The following PKHD1 variants were observed in gnomAD, a reference collection of about 807,000 sequenced individuals.
The protein encoded by PKHD1 is fibrocystin.
Under a neutral mutation model 412.0 loss-of-function variants are expected in PKHD1, and 291 were observed. The observed-to-expected ratio is 0.71, with a 90% CI of 0.64 to 0.78. The LOEUF (loss-of-function observed/expected upper bound fraction) is 0.78, where lower values mean the gene tolerates loss of function less well. PKHD1 is among the 30% of genes least tolerant of loss of function. The pLI is 0.00. For missense variants in PKHD1, 4,825 were observed against 4,950.7 expected, an observed-to-expected ratio of 0.97 and a Z score of 0.76; for synonymous variants, 1,777 against 1,821.5, an observed-to-expected ratio of 0.98 and a Z score of 0.62.
intron 43 of PKHD1, among the ~76,000 whole-genome samples, chr6:51,888,836 TATC>T (rs1358099742): frequency 2.7e-5 from 4 of 149,952 alleles, no homozygotes; most frequent in African/African-American, 9.8e-5. Context: ...GCCTTCTCTT[TATC>T]ATCAGGGAGA....
chr6:51,855,845 AGAACAAAT>A, intron 49 of PKHD1, 40 bp downstream of exon 49: 1 of 1,383,218 alleles, frequency 7.2e-7, no homozygotes, highest in Non-Finnish European at 1.0e-6. Flanking sequence ...AAGAAAGATA[AGAACAAAT>A]GAGAATGCAG....
At chr6:52,038,339 C>T (rs1260899979) in intron 27 of PKHD1, among the ~76,000 whole-genome samples, 1 of 150,304 alleles carries the variant, frequency 6.7e-6, no homozygotes, top group Non-Finnish European at 1.5e-5. Context: ...CGCACCACTG[C>T]ACTCCAGCCT....
chr6:51,639,273 A>G (rs1454515811), intron 63 of PKHD1, among the ~76,000 whole-genome samples: 2 of 152,184 alleles, frequency 1.3e-5, no homozygotes, highest in African/African-American at 4.8e-5. Context: ...GGCTCATGAA[A>G]GATTAAATTA....
chr6:51,677,484 G>A (rs1047294584), intron 60 of PKHD1, among the ~76,000 whole-genome samples: 27 of 152,256 alleles, frequency 1.8e-4, no homozygotes, highest in Middle Eastern at 3.4e-3. Flanking sequence ...AAATGGGCTG[G>A]TAGACTTCAG....
intron 60 of PKHD1, among the ~76,000 whole-genome samples, chr6:51,662,217 T>C (rs1020639013): frequency 1.3e-4 from 20 of 151,944 alleles, no homozygotes; most frequent in African/African-American, 4.8e-4. Flanking sequence ...CAATGTCCTA[T>C]ATGGTACTAC....
chr6:51,922,448 C>G (rs1226028946), intron 37 of PKHD1, among the ~76,000 whole-genome samples: 1 of 152,226 alleles, frequency 6.6e-6, no homozygotes, highest in African/African-American at 2.4e-5. Flanking sequence ...AAACTCTGTG[C>G]TGGGAGAACC....
intron 52 of PKHD1, among the ~76,000 whole-genome samples, chr6:51,793,913 G>A (rs1299859843): frequency 6.6e-6 from 1 of 152,080 alleles, no homozygotes; most frequent in African/African-American, 2.4e-5. Context: ...TGGGTCGAAT[G>A]GTATTTCTGC....
chr6:51,962,773 A>G (rs984608839), intron 35 of PKHD1, among the ~76,000 whole-genome samples: 11 of 151,990 alleles, frequency 7.2e-5, no homozygotes, highest in African/African-American at 1.9e-4. Context: ...CTGCTCAGGT[A>G]TCACCTCCTT....
At chr6:51,639,000 T>C (rs369409474) in intron 63 of PKHD1, 44 bp from the exon 64 acceptor site, 8 of 1,316,082 alleles carry the variant, frequency 6.1e-6, no homozygotes, top group Non-Finnish European at 8.8e-6. Context: ...TATTATCTAA[T>C]CTCGAACAAT....
In PKHD1 at chr6:51,659,595, CT is replaced by C; in HGVS notation, c.10530del (p.Glu3512LysfsTer16). 6.2e-7 allele frequency: 1 copy of C among 1,613,720 alleles called. No individual in the cohort carries two copies. The highest frequency in any genetic ancestry group is 8.5e-7 in the Non-Finnish European group (1 of 1,179,858). On this transcript the variant is annotated frameshift_variant, in exon 61 of 67. Coordinates refer to ENST00000371117, the MANE Select transcript of PKHD1 (RefSeq NM_138694.4). LOFTEE classifies it high-confidence loss of function. ...YHELQSPHVF[L>X]GESFIPPTLV... is the part of the protein sequence containing the mutation. The stretch of plus-strand genomic sequence containing the variant: ...AGAGTGGGTGGAATAAAACTTTCCC[CT>C]AAGAAGACGTGGGGGCTCTGGAGCT...
chr6:51,989,440 G>A (rs1356330536), intron 35 of PKHD1, among the ~76,000 whole-genome samples: 2 of 152,216 alleles, frequency 1.3e-5, no homozygotes, highest in African/African-American at 2.4e-5. Context: ...ATAGGTACAT[G>A]TGAAAACAAC....
At chr6:51,953,783 C>A (rs1383805920) in intron 36 of PKHD1, among the ~76,000 whole-genome samples, 1 of 151,928 alleles carries the variant, frequency 6.6e-6, no homozygotes, top group Non-Finnish European at 1.5e-5. Context: ...TTAAAAAGAT[C>A]TGAATGTCCT....
intron 63 of PKHD1, among the ~76,000 whole-genome samples, chr6:51,647,267 T>C (rs896534396): frequency 1.1e-4 from 16 of 152,178 alleles, no homozygotes; most frequent in Admixed American, 9.8e-4. Flanking sequence ...GAGGGTTAAA[T>C]AGGAACTTAG....
At chr6:51,640,860 T>C (rs1769254266) in intron 63 of PKHD1, among the ~76,000 whole-genome samples, 1 of 152,176 alleles carries the variant, frequency 6.6e-6, no homozygotes, top group South Asian at 2.1e-4. Flanking sequence ...CTTGAGTATA[T>C]AAATTCACTT....
chr6:51,938,262 C>A (rs1488070056), intron 36 of PKHD1, among the ~76,000 whole-genome samples: 1 of 152,222 alleles, frequency 6.6e-6, no homozygotes, highest in African/African-American at 2.4e-5. Context: ...TGAGCCCAAG[C>A]TAAGCCATCA....
intron 52 of PKHD1, among the ~76,000 whole-genome samples, chr6:51,801,171 A>T (rs1271955469): frequency 2.0e-5 from 3 of 152,210 alleles, no homozygotes; most frequent in Non-Finnish European, 2.9e-5. Flanking sequence ...CTTTGGAGGC[A>T]TCTAACAATT....
chr6:52,062,407 G>T, intron 14 of PKHD1, 112 bp downstream of exon 14: 1 of 1,093,542 alleles, frequency 9.1e-7, no homozygotes, highest in Non-Finnish European at 1.4e-6. Flanking sequence ...TGTTGAATTG[G>T]CTAGTGTTAT....
In PKHD1 at chr6:51,747,986, A is replaced by G; in HGVS notation, c.9630T>C (p.Ser3210=). ...LRNSVIVATS[S]SFDCIQDKVK... is the part of the protein sequence containing the mutation. ...CTTTGTCCTGAATGCAGTCAAAAGAAGAGCTGGTGGCCACAATGACTGAAT... is the reference window on the plus strand; with the variant it reads ...CTTTGTCCTGAATGCAGTCAAAAGAGGAGCTGGTGGCCACAATGACTGAAT... The change falls in exon 58 of 67, where the codon TCT becomes TCC. Residue 3210 remains serine, a synonymous_variant. Transcript: ENST00000371117. The G allele has an allele frequency of 6.2e-7, 1 of 1,614,098 alleles. No individual in the cohort carries two copies. The highest frequency in any genetic ancestry group is 8.5e-7 in the Non-Finnish European group (1 of 1,179,968).
intron 60 of PKHD1, among the ~76,000 whole-genome samples, chr6:51,665,610 T>TTATTGGA (rs1404399670): frequency 1.3e-5 from 2 of 152,154 alleles, no homozygotes; most frequent in Non-Finnish European, 2.9e-5. Flanking sequence ...ATCTTTAATG[T>TTATTGGA]TATTGGAATA....
Sources: gnomAD v4.1 joint callset for allele counts (sites outside exome capture counted in the v4.1 genomes callset) on GRCh38, gnomAD v4.1.1 for gene constraint, MANE v1.5 for transcripts, NCBI Gene and HGNC (gene_info 2026-07-23, HGNC 2026-07-21) for gene names.